Variants in ATG2A observed in about 807,000 individuals in gnomAD.
The protein encoded by ATG2A is autophagy related 2A, also known as autophagy-related protein 2 homolog A.
A neutral mutation model predicts 214.2 loss-of-function variants in ATG2A; 103 were observed. The observed-to-expected ratio is 0.48, with a 90% CI of 0.41 to 0.57. The LOEUF is 0.57. Among genes scored for constraint, ATG2A ranks in the 20% least tolerant of loss-of-function variants. ATG2A has a pLI of 0.00. For synonymous variants in ATG2A, 1,160 were observed against 1,142.1 expected (o/e 1.02, Z -0.32); for missense variants, 2,312 against 2,613.2 (o/e 0.88, Z 2.51).
intron 14 of ATG2A, 52 bp downstream of exon 14, chr11:64,909,629 C>A: frequency 6.3e-7 from 1 of 1,594,050 alleles, no homozygotes; most frequent in Non-Finnish European, 8.5e-7. Flanking sequence ...AAGCCCATCT[C>A]TCCCAGAAGC....
chr11:64,896,884 A>C lies in ATG2A; in HGVS notation c.5151-15T>G. On this transcript the variant is annotated splice_polypyrimidine_tract_variant and intron_variant, in intron 37 of 40. Transcript: ENST00000377264. ...CACCCAGGAGCCTGGCAGGGCAGGGAGGTGAGGAGGCAGAAGGTGAGGCAG... is the reference window on the plus strand; with the variant it reads ...CACCCAGGAGCCTGGCAGGGCAGGGCGGTGAGGAGGCAGAAGGTGAGGCAG... The C allele has an allele frequency of 6.2e-7, 1 of 1,612,374 alleles. No homozygotes were observed. Among genetic ancestry groups the C allele is most frequent in the African/African-American group, 1.3e-5 (1 of 75,002 alleles).
At position 64,897,526 on chromosome 11, in the gene ATG2A, A is replaced by G. The variant is rs370828691; in HGVS notation, c.5068-32T>C. 7.7e-5 allele frequency: 122 copies of G among 1,589,634 alleles called. No homozygotes were observed. The African/African-American group carries it at 1.1e-3, about 14-fold the overall frequency. On this transcript the variant is annotated intron_variant, in intron 36 of 40. Transcript: ENST00000377264. Reference sequence around the variant, plus strand: ...GAGGGAGGGGGTCCAGGTTTACCCAATGGGACTCAGGGAGCTAGCTAGCCC... The same window carrying G: ...GAGGGAGGGGGTCCAGGTTTACCCAGTGGGACTCAGGGAGCTAGCTAGCCC...
chr11:64,909,024 G>C lies in ATG2A; in HGVS notation c.2331C>G (p.Phe777Leu). The C allele has an allele frequency of 6.2e-7, 1 of 1,607,354 alleles. No individual in the cohort carries two copies. The highest frequency in any genetic ancestry group is 2.2e-5 in the East Asian group (1 of 44,698). ...CELREPEPSP[F>L]SSKRTMYETE... ...TCTCATACATGGTCCTCTTAGAGGAGAAGGGCGAGGGCTCAGGTTCCCGCA... is the reference window on the plus strand; with the variant it reads ...TCTCATACATGGTCCTCTTAGAGGACAAGGGCGAGGGCTCAGGTTCCCGCA... Residue 777 changes from phenylalanine (F) to leucine (L), a missense_variant, in exon 16 of 41, where the codon TTC (phenylalanine) becomes TTG (leucine). Coordinates refer to ENST00000377264, the MANE Select transcript of ATG2A (RefSeq NM_015104.3).
At position 64,914,151 on chromosome 11, in the gene ATG2A, C is replaced by T. The variant is rs750420697; in HGVS notation, c.417G>A (p.Gly139=). ...GTGGTGGCTCAGAGGGCTCCGGTAG[C>T]CCATCCCGCAGACACTCCTGGGCCA... is the stretch of plus-strand genomic sequence containing the variant. ...LQLAQECLRD[G]LPEPSEPPQP... The change falls in exon 3 of 41, where the codon GGG becomes GGA. Residue 139 remains glycine (G), a synonymous_variant. Transcript: ENST00000377264. 6.4e-7 allele frequency: 1 copy of T among 1,552,704 alleles called. No homozygotes were observed. Among genetic ancestry groups the T allele is most frequent in the South Asian group, 1.2e-5 (1 of 84,194 alleles).
chr11:64,908,864 G>A, intron 16 of ATG2A, 127 bp downstream of exon 16: 3 of 1,014,252 alleles, frequency 3.0e-6, no homozygotes, highest in Non-Finnish European at 4.3e-6. Context: ...CACTGGTGTT[G>A]GGTCAGCTCA....
At chr11:64,908,859 G>A in intron 16 of ATG2A, 132 bp downstream of exon 16, 1 of 950,974 alleles carries the variant, frequency 1.1e-6, no homozygotes, top group Non-Finnish European at 1.5e-6. Flanking sequence ...ATCCTCACTG[G>A]TGTTGGGTCA....
rs1565076548 is a variant in ATG2A, at chr11:64,914,211, CTG to C, written c.355_356del (p.Gln119GlufsTer26). ...RGPAPGAADSQSWASCMTTSL... is the reference protein window; with the variant it reads ...RGPAPGAADSXSWASCMTTSL... The stretch of plus-strand genomic sequence containing the variant: ...TTGTGGTCATGCATGAGGCCCAGCT[CTG>C]TGAGTCGGCAGCCCCTGGCGCTGTA... On this transcript the variant is annotated frameshift_variant, in exon 3 of 41. Coordinates refer to ENST00000377264, the MANE Select transcript of ATG2A (RefSeq NM_015104.3). LOFTEE classifies it high-confidence loss of function. 1 of 1,554,040 alleles carries C rather than the reference CTG, an allele frequency of 6.4e-7. No individual in the cohort carries two copies. Among genetic ancestry groups the C allele is most frequent in the Non-Finnish European group, 8.7e-7 (1 of 1,148,724 alleles).
In ATG2A at chr11:64,906,669, G is replaced by T; in HGVS notation, c.2979C>A (p.His993Gln). Residue 993 changes from histidine to glutamine, a missense_variant, in exon 20 of 41, where the codon CAC becomes CAA. Physicochemically the swap from His to Gln is conservative, Grantham distance 24. Coordinates refer to ENST00000377264, the MANE Select transcript of ATG2A (RefSeq NM_015104.3). Reference protein sequence around the residue: ...CLEAEKATLYHRAAVDDYPLP... With the variant: ...CLEAEKATLYQRAAVDDYPLP... ...ACCTGCCCCCAGGCCTCACACCTCG[G>T]TGGTAGAGTGTTGCCTTTTCAGCTT... The T allele has an allele frequency of 6.2e-7, 1 of 1,613,578 alleles. No homozygotes were observed. The highest frequency in any genetic ancestry group is 8.5e-7 in the Non-Finnish European group (1 of 1,180,014).
At chr11:64,911,807 T>A (rs543648050) in intron 9 of ATG2A, 35 bp downstream of exon 9, 1 of 1,610,948 alleles carries the variant, frequency 6.2e-7, no homozygotes, top group South Asian at 1.1e-5. Context: ...CAGTCCTTCC[T>A]GTCCCTGGAG....
Position 64,895,393 on chromosome 11 carries a change from G to C in ATG2A, c.5477C>G (p.Ser1826Cys). Reference sequence around the variant, plus strand: ...AGAGCGCTTATCCTGCAGGGAGCGGGAGACGGGGGCTGCCGGGGACAGGAT... The same window carrying C: ...AGAGCGCTTATCCTGCAGGGAGCGGCAGACGGGGGCTGCCGGGGACAGGAT... ...YDILSPAAPV[S>C]RSLQDKRSAR... The change falls in exon 40 of 41, where the codon TCC (serine) becomes TGC (cysteine). Residue 1826 changes from serine (S) to cysteine (C), a missense_variant. Coordinates refer to ENST00000377264, the MANE Select transcript of ATG2A (RefSeq NM_015104.3). The surrounding 1 kb of genome is among the most constrained non-coding windows in gnomAD (Gnocchi z 5.0). The C allele has an allele frequency of 1.2e-6, 2 of 1,610,342 alleles. No homozygotes were observed. Among genetic ancestry groups the C allele is most frequent in the East Asian group, 4.5e-5 (2 of 44,790 alleles).
chr11:64,905,346 C>G (rs1199716511), intron 24 of ATG2A, among the ~76,000 whole-genome samples: 1 of 152,220 alleles, frequency 6.6e-6, no homozygotes, highest in Non-Finnish European at 1.5e-5. Flanking sequence ...GGACAACCCT[C>G]AGACATGAGA....
chr11:64,903,641 C>T lies in ATG2A; in HGVS notation c.3484G>A (p.Ala1162Thr), dbSNP rs1415872134. ...FLLRFILDDSALYLSDKCEVE... is the reference protein window; with the variant it reads ...FLLRFILDDSTLYLSDKCEVE... ...TCACACTTGTCGGACAGGTACAAGG[C>T]GGAGTCATCGAGGATGAACCTGGGG... The change falls in exon 25 of 41, where the codon GCC (alanine) becomes ACC (threonine). Residue 1162 changes from alanine to threonine, a missense_variant. Coordinates refer to ENST00000377264, the MANE Select transcript of ATG2A (RefSeq NM_015104.3). This position sits in a 1 kb window ranked among gnomAD's most constrained non-coding sequence, Gnocchi z 4.2. The T allele has an allele frequency of 3.2e-6, 5 of 1,549,798 alleles. No homozygotes were observed. The highest frequency in any genetic ancestry group is 4.4e-6 in the Non-Finnish European group (5 of 1,146,462).
At position 64,896,526 on chromosome 11, in the gene ATG2A, G is replaced by A; in HGVS notation, c.5363C>T (p.Ser1788Phe). 6.2e-7 allele frequency: 1 copy of A among 1,613,958 alleles called. No homozygotes were observed. The highest frequency in any genetic ancestry group is 8.5e-7 in the Non-Finnish European group (1 of 1,179,932). The change falls in exon 39 of 41, where the codon TCC becomes TTC. Residue 1788 changes from serine (S) to phenylalanine (F), a missense_variant. Ser to Phe is a radical substitution (Grantham distance 155, BLOSUM62 -2). Coordinates refer to ENST00000377264, the MANE Select transcript of ATG2A (RefSeq NM_015104.3). ...LMRGLQRGAA[S>F]FGSSTASAAL... is the part of the protein sequence containing the mutation. ...GGCAGAGGCTGTGGATGAGCCAAAGGAGGCAGCCCCTCGCTGCAGCCCCCG... is the reference window on the plus strand; with the variant it reads ...GGCAGAGGCTGTGGATGAGCCAAAGAAGGCAGCCCCTCGCTGCAGCCCCCG...
chr11:64,897,032 T>A, intron 37 of ATG2A, 163 bp from the exon 38 acceptor site: 1 of 1,090,876 alleles, frequency 9.2e-7, no homozygotes, highest in Non-Finnish European at 1.3e-6. Context: ...TCCTTTTTTT[T>A]TTTTTTTAGA....
At position 64,895,372 on chromosome 11, in the gene ATG2A, C is replaced by T. The variant is rs1027862660; in HGVS notation, c.5498G>A (p.Arg1833His). The T allele has an allele frequency of 5.6e-6, 9 of 1,612,618 alleles. No individual in the cohort carries two copies. The highest frequency in any genetic ancestry group is 2.7e-5 in the African/African-American group (2 of 74,916). The stretch of plus-strand genomic sequence containing the variant: ...GCCCCTGCGCAGCCTCCGCGCAGAG[C>T]GCTTATCCTGCAGGGAGCGGGAGAC... The part of the protein sequence containing the change: ...APVSRSLQDK[R>H]SARRLRRGQQ... Residue 1833 changes from arginine (R) to histidine (H), a missense_variant, in exon 40 of 41, where the codon CGC (arginine) becomes CAC (histidine). Coordinates refer to ENST00000377264, the MANE Select transcript of ATG2A (RefSeq NM_015104.3). The surrounding 1 kb of genome is among the most constrained non-coding windows in gnomAD (Gnocchi z 5.0).
rs748397030 is a variant in ATG2A at position 64,898,721 on chromosome 11, C to T, written c.4586G>A (p.Arg1529Gln). 1.5e-5 allele frequency: 24 copies of T among 1,614,100 alleles called. No homozygotes were observed. The highest frequency in any genetic ancestry group is 1.9e-5 in the Non-Finnish European group (23 of 1,180,026). The change falls in exon 32 of 41, where the codon CGA (arginine) becomes CAA (glutamine). Residue 1529 changes from arginine (R) to glutamine (Q), a missense_variant. Physicochemically the swap from Arg to Gln is conservative, Grantham distance 43 (BLOSUM62 1). Transcript: ENST00000377264. The surrounding 1 kb of genome is among the most constrained non-coding windows in gnomAD (Gnocchi z 4.5). ...GATCTGGGAGGAGGCGAGCCGGTCT[C>T]GGACCTCCAGCTCCTGCACGATGAA... ...QVFIVQELEV[R>Q]DRLASSQINK...
At chr11:64,896,222 C>A (rs1944144192) in intron 39 of ATG2A, among the ~76,000 whole-genome samples, 1 of 152,242 alleles carries the variant, frequency 6.6e-6, no homozygotes, top group South Asian at 2.1e-4. Context: ...ACACAGTGGG[C>A]TCTGAAGGCC....
Position 64,914,482 on chromosome 11 carries a change from C to G in ATG2A, c.190G>C (p.Glu64Gln). 1.9e-6 allele frequency: 3 copies of G among 1,612,774 alleles called. No homozygotes were observed. Among genetic ancestry groups the G allele is most frequent in the Non-Finnish European group, 2.5e-6 (3 of 1,179,726 alleles). ...LEIWSVNEVL[E>Q]SMESPLELVE... Reference sequence around the variant, plus strand: ...AGCTCCAGCGGTGACTCCATTGACTCCAGCACCTCGTTCACAGACTGGGAG... The same window carrying G: ...AGCTCCAGCGGTGACTCCATTGACTGCAGCACCTCGTTCACAGACTGGGAG... Residue 64 changes from glutamate to glutamine, a missense_variant, in exon 2 of 41, where the codon GAG becomes CAG. Physicochemically the swap from Glu to Gln is conservative, Grantham distance 29. Coordinates refer to ENST00000377264, the MANE Select transcript of ATG2A (RefSeq NM_015104.3).
At position 64,895,019 on chromosome 11, in the gene ATG2A, T is replaced by G; in HGVS notation, c.5771A>C (p.His1924Pro). 1 of 1,613,156 alleles carries G rather than the reference T, an allele frequency of 6.2e-7. No individual in the cohort carries two copies. The highest frequency in any genetic ancestry group is 8.5e-7 in the Non-Finnish European group (1 of 1,179,494). Residue 1924 changes from histidine to proline, a missense_variant, in exon 41 of 41, where the codon CAC becomes CCC. Physicochemically the swap from His to Pro is moderately conservative, Grantham distance 77 (BLOSUM62 -2). Transcript: ENST00000377264. This position sits in a 1 kb window ranked among gnomAD's most constrained non-coding sequence, Gnocchi z 5.0. ...GMRNQIVPDA[H>P]KDHALKWRSD... Reference sequence around the variant, plus strand: ...GCGCCACTTGAGGGCGTGGTCCTTGTGGGCGTCGGGGACAATCTGGTTGCG... The same window carrying G: ...GCGCCACTTGAGGGCGTGGTCCTTGGGGGCGTCGGGGACAATCTGGTTGCG...
Sources: allele counts gnomAD v4.1 joint callset (sites outside exome capture counted in the v4.1 genomes callset), GRCh38; gene constraint gnomAD v4.1.1; non-coding constraint Gnocchi (gnomAD v3.1); transcripts MANE v1.5; gene names NCBI Gene and HGNC (gene_info 2026-07-23, HGNC 2026-07-21).